MTURN: variants seen among roughly 807,000 people sequenced by gnomAD.
MTURN encodes maturin.
Under a neutral mutation model 14.9 loss-of-function variants are expected in MTURN, and 7 were observed. The ratio of observed to expected loss-of-function variants is 0.47; its 90% CI spans 0.27 to 0.88. The LOEUF is 0.88. Among genes scored for constraint, MTURN ranks in the 40% least tolerant of loss-of-function variants. The pLI, the probability that MTURN is intolerant of heterozygous loss-of-function variation, is 0.14. For synonymous variants in MTURN, 69 were observed against 72.5 expected, an observed-to-expected ratio of 0.95 and a Z score of 0.25; for missense variants, 151 against 174.1, an observed-to-expected ratio of 0.87 and a Z score of 0.75.
At chr7:30,136,642 C>A (rs1160984037) in intron 1 of MTURN, among the ~76,000 whole-genome samples, 2 of 151,990 alleles carry the variant, frequency 1.3e-5, no homozygotes, top group Non-Finnish European at 2.9e-5. Flanking sequence ...ATTCCCTCCG[C>A]CCACACGCAC....
chr7:30,140,824 T>G (rs1583503076), intron 1 of MTURN: 1 of 152,328 alleles, frequency 6.6e-6, no homozygotes, highest in Middle Eastern at 3.4e-3. Flanking sequence ...CATAATCGCT[T>G]ATTGGGCCCC....
intron 1 of MTURN, among the ~76,000 whole-genome samples, chr7:30,135,722 G>T (rs1361105513): frequency 1.3e-5 from 2 of 152,206 alleles, no homozygotes; most frequent in African/African-American, 4.8e-5. Flanking sequence ...AGGAGCCCAG[G>T]TCCGGAGCTT....
intron 2 of MTURN, among the ~76,000 whole-genome samples, chr7:30,149,166 C>T (rs1797171655): frequency 6.6e-6 from 1 of 152,168 alleles, no homozygotes; most frequent in African/African-American, 2.4e-5. Flanking sequence ...CAAATGCGGT[C>T]CAAAAGAAAT....
chr7:30,156,262 A>G (rs1427594059), intron 2 of MTURN, among the ~76,000 whole-genome samples: 2 of 152,202 alleles, frequency 1.3e-5, no homozygotes, highest in African/African-American at 2.4e-5. Flanking sequence ...TGGAAAATAC[A>G]AAAAGATAAA....
intron 2 of MTURN, among the ~76,000 whole-genome samples, chr7:30,150,290 G>A (rs537359731): frequency 6.6e-6 from 1 of 152,324 alleles, no homozygotes; most frequent in East Asian, 1.9e-4. Context: ...TACCGTTGGG[G>A]GGAACCTTAG....
At chr7:30,147,319 C>G (rs1236526412) in intron 2 of MTURN, among the ~76,000 whole-genome samples, 1 of 152,250 alleles carries the variant, frequency 6.6e-6, no homozygotes, top group South Asian at 2.1e-4. Context: ...CAGTACCTTA[C>G]TCCAGAGAGG....
At chr7:30,144,135 T>C (rs1583505138) in intron 1 of MTURN, among the ~76,000 whole-genome samples, 1 of 152,148 alleles carries the variant, frequency 6.6e-6, no homozygotes, top group South Asian at 2.1e-4. Flanking sequence ...GGAAAGAAGG[T>C]ACTTAAGTCC....
intron 2 of MTURN, among the ~76,000 whole-genome samples, chr7:30,153,552 A>G (rs560524760): frequency 6.6e-6 from 1 of 152,190 alleles, no homozygotes; most frequent in African/African-American, 2.4e-5. Context: ...TGGCTCTGCC[A>G]CTTACTGGGT....
intron 1 of MTURN, among the ~76,000 whole-genome samples, chr7:30,138,695 A>G (rs1255667568): frequency 3.9e-5 from 6 of 152,034 alleles, no homozygotes; most frequent in African/African-American, 1.4e-4. Flanking sequence ...TATTTAAAAT[A>G]TAAGCCAGAT....
chr7:30,152,759 A>G (rs574962775), intron 2 of MTURN, among the ~76,000 whole-genome samples: 39 of 152,338 alleles, frequency 2.6e-4, no homozygotes, highest in East Asian at 2.3e-3. Flanking sequence ...TGCCACCTCA[A>G]TATGGCCTCA....
In MTURN at chr7:30,135,293, A is replaced by C. The variant is rs751530718; in HGVS notation, c.157A>C (p.Asn53His). The change falls in exon 1 of 3, where the codon AAT (asparagine) becomes CAT (histidine). Residue 53 changes from asparagine to histidine, a missense_variant. Physicochemically the swap from Asn to His is moderately conservative, Grantham distance 68. Transcript: ENST00000324453. Reference protein sequence around the residue: ...VLCPDNGCGDNFHVWSESEDC... With the variant: ...VLCPDNGCGDHFHVWSESEDC... ...GTGTCCGGACAACGGCTGCGGCGACAATTTTGTGAGTGCCTGGAGGAGGGA... is the reference window on the plus strand; with the variant it reads ...GTGTCCGGACAACGGCTGCGGCGACCATTTTGTGAGTGCCTGGAGGAGGGA... 3 of 1,522,116 alleles carry C rather than the reference A, an allele frequency of 2.0e-6. No individual in the cohort carries two copies. Among genetic ancestry groups the C allele is most frequent in the Non-Finnish European group, 8.8e-7 (1 of 1,134,250 alleles). 94.3% of individuals were successfully genotyped at this position (1,522,116 alleles called of 1,614,324 possible). A position where few individuals can be genotyped will look rare whatever the true frequency, so the allele number is the denominator to read the frequency against.
intron 1 of MTURN, among the ~76,000 whole-genome samples, chr7:30,136,329 C>T (rs1256065288): frequency 6.6e-6 from 1 of 152,104 alleles, no homozygotes; most frequent in East Asian, 1.9e-4. Context: ...TGGAGTAGGG[C>T]GAGCACGGTG....
chr7:30,139,261 G>A (rs1797012100), intron 1 of MTURN, among the ~76,000 whole-genome samples: 1 of 152,212 alleles, frequency 6.6e-6, no homozygotes, highest in Non-Finnish European at 1.5e-5. Flanking sequence ...TTACTATGTA[G>A]CAGACGCTGC....
chr7:30,155,629 A>G (rs1261966852), intron 2 of MTURN, among the ~76,000 whole-genome samples: 1 of 152,188 alleles, frequency 6.6e-6, no homozygotes, highest in Non-Finnish European at 1.5e-5. Context: ...AGAGTCTCTG[A>G]GGCAGCTGTG....
In MTURN at chr7:30,135,261, A is replaced by T. The variant is rs759656554; in HGVS notation, c.125A>T (p.Tyr42Phe). The T allele has an allele frequency of 6.4e-5, 98 of 1,523,654 alleles. 1 individual carries two copies. The highest frequency in any genetic ancestry group is 1.4e-5 in the African/African-American group (1 of 69,054). 94.4% of individuals were successfully genotyped at this position (1,523,654 alleles called of 1,614,324 possible). A position where few individuals can be genotyped will look rare whatever the true frequency, so the allele number is the denominator to read the frequency against. ...TACGCCGACCCCGGCGTCTCCTTCTATGTGCTGTGTCCGGACAACGGCTGC... is the reference window on the plus strand; with the variant it reads ...TACGCCGACCCCGGCGTCTCCTTCTTTGTGCTGTGTCCGGACAACGGCTGC... ...DFYADPGVSF[Y>F]VLCPDNGCGD... Residue 42 changes from tyrosine (Y) to phenylalanine (F), a missense_variant, in exon 1 of 3, where the codon TAT (tyrosine) becomes TTT (phenylalanine). Transcript: ENST00000324453.
At chr7:30,135,811 C>T (rs1346108436) in intron 1 of MTURN, among the ~76,000 whole-genome samples, 1 of 152,246 alleles carries the variant, frequency 6.6e-6, no homozygotes, top group South Asian at 2.1e-4. Flanking sequence ...CATTGCCCCT[C>T]CCGGGAGAAC....
chr7:30,160,985 C>A lies in MTURN; in HGVS notation c.*3437C>A, dbSNP rs1797365897. ...TTCCAGTGTACTTCAACGAAAACCTCTCTCCTTTATAGTTGCTGTCATCTT... is the reference window on the plus strand; with the variant it reads ...TTCCAGTGTACTTCAACGAAAACCTATCTCCTTTATAGTTGCTGTCATCTT... On this transcript the variant is annotated 3_prime_UTR_variant, in exon 3 of 3. Coordinates refer to ENST00000324453, the MANE Select transcript of MTURN (RefSeq NM_152793.3). The A allele has an allele frequency of 1.3e-5, 2 of 152,774 alleles. No homozygotes were observed. Among genetic ancestry groups the A allele is most frequent in the South Asian group, 4.1e-4 (2 of 4,830 alleles). 9.5% of individuals were successfully genotyped at this position (152,774 alleles called of 1,614,324 possible).
intron 1 of MTURN, chr7:30,137,546 A>G (rs1276219533): frequency 4.3e-6 from 2 of 459,840 alleles, no homozygotes; most frequent in Non-Finnish European, 9.1e-6. Context: ...GACAATTTAA[A>G]TAGAATAGAT....
intron 2 of MTURN, among the ~76,000 whole-genome samples, chr7:30,153,348 A>C (rs1176080514): frequency 6.6e-6 from 1 of 152,150 alleles, no homozygotes; most frequent in Non-Finnish European, 1.5e-5. Flanking sequence ...CATGCTTCCA[A>C]ATTGTCCCTC....
Sources: allele counts gnomAD v4.1 joint callset (sites outside exome capture counted in the v4.1 genomes callset), GRCh38; gene constraint gnomAD v4.1.1; transcripts MANE v1.5; gene names NCBI Gene and HGNC (gene_info 2026-07-23, HGNC 2026-07-21).